The following BARD1 variants were observed in gnomAD, a reference collection of about 807,000 sequenced individuals.
BARD1 encodes the protein BRCA1 associated RING domain 1, also known as BRCA1-associated RING domain protein 1.
Under a neutral mutation model 77.0 loss-of-function variants are expected in BARD1, and 73 were observed. The ratio of observed to expected loss-of-function variants is 0.95; its 90% CI spans 0.79 to 1.15. The LOEUF (loss-of-function observed/expected upper bound fraction) is 1.15, where lower values mean the gene tolerates loss of function less well. Among genes scored for constraint, BARD1 ranks in the 50% most tolerant of loss-of-function variants. The pLI is 0.00. For synonymous variants in BARD1, 384 were observed against 338.0 expected (o/e 1.14, Z -1.49); for missense variants, 993 against 938.8 (o/e 1.06, Z -0.75).
At chr2:214,772,542 G>A (rs1393451577) in intron 4 of BARD1, among the ~76,000 whole-genome samples, 4 of 152,126 alleles carry the variant, frequency 2.6e-5, no homozygotes, top group Non-Finnish European at 5.9e-5. Flanking sequence ...GAAACGGAGT[G>A]ACAATTTAAA....
intron 9 of BARD1, among the ~76,000 whole-genome samples, chr2:214,742,913 T>C (rs1692912834): frequency 6.6e-6 from 1 of 152,224 alleles, no homozygotes; most frequent in African/African-American, 2.4e-5. Context: ...ACAGGTTTGA[T>C]ACAAAAGCAT....
In BARD1 at chr2:214,752,446, C is replaced by T. The variant is rs1060501310; in HGVS notation, c.1677+1G>A. On this transcript the variant is annotated splice_donor_variant, in intron 7 of 10. Coordinates refer to ENST00000260947, the MANE Select transcript of BARD1 (RefSeq NM_000465.4). LOFTEE classifies it high-confidence loss of function. ...TGTCCCAAAGCTAAATCCATACTTA[C>T]TACTGAGCAGTGGCTAGCTGAGGAT... 6.2e-7 allele frequency: 1 copy of T among 1,601,644 alleles called. No individual in the cohort carries two copies. The highest frequency in any genetic ancestry group is 2.2e-5 in the East Asian group (1 of 44,760).
chr2:214,753,712 A>G (rs371723478), intron 6 of BARD1, among the ~76,000 whole-genome samples: 82 of 152,290 alleles, frequency 5.4e-4, no homozygotes, highest in Non-Finnish European at 8.5e-4. Flanking sequence ...AAGGTCACTA[A>G]TGACCTTGGT....
At chr2:214,770,768 C>A (rs781084664) in intron 4 of BARD1, among the ~76,000 whole-genome samples, 1 of 152,112 alleles carries the variant, frequency 6.6e-6, no homozygotes, top group East Asian at 1.9e-4. Context: ...CAGCCTCCAG[C>A]GAAGGTAGAC....
chr2:214,805,253 G>A (rs547795231), intron 1 of BARD1, among the ~76,000 whole-genome samples: 3 of 152,254 alleles, frequency 2.0e-5, no homozygotes, highest in South Asian at 4.1e-4. Flanking sequence ...GCACTATGTC[G>A]ACCTGCACGA....
At chr2:214,755,226 C>T (rs573926901) in intron 6 of BARD1, among the ~76,000 whole-genome samples, 1 of 152,250 alleles carries the variant, frequency 6.6e-6, no homozygotes, top group East Asian at 1.9e-4. Context: ...GTGATAAATA[C>T]ATTATTCTTC....
chr2:214,732,009 C>T lies in BARD1; in HGVS notation c.1904-1501G>A, dbSNP rs754952301. On this transcript the variant is annotated intron_variant, in intron 9 of 10. Transcript: ENST00000260947. ...CATAGTTTTGAATATCAAACTGTTA[C>T]ATCCTGTTATCACTTGATATCTAAT... Among the ~76,000 whole-genome samples the T allele has an allele frequency of 5.2e-4, 79 of 152,342 alleles. No homozygotes were observed. The Middle Eastern group carries it at 0.01, about 20-fold the overall frequency.
chr2:214,806,867 T>C (rs1303807705), intron 1 of BARD1, among the ~76,000 whole-genome samples: 3 of 81,136 alleles, frequency 3.7e-5, no homozygotes, highest in Admixed American at 1.7e-4. Flanking sequence ...GAGTGAAACT[T>C]TGCCTAGGGA....
chr2:214,760,585 C>T (rs1413930664), intron 6 of BARD1, among the ~76,000 whole-genome samples: 1 of 152,114 alleles, frequency 6.6e-6, no homozygotes, highest in Non-Finnish European at 1.5e-5. Flanking sequence ...CAGTGACATC[C>T]GAGACTAACT....
rs1694948749 is a variant in BARD1, at chr2:214,780,675, C to A, written c.1199G>T (p.Ser400Ile). 1 of 1,614,100 alleles carries A rather than the reference C, an allele frequency of 6.2e-7. No individual in the cohort carries two copies. The highest frequency in any genetic ancestry group is 8.5e-7 in the Non-Finnish European group (1 of 1,180,000). The change falls in exon 4 of 11, where the codon AGT (serine) becomes ATT (isoleucine). Residue 400 changes from serine (S) to isoleucine (I), a missense_variant. By Grantham distance (142) the Ser-to-Ile change is moderately radical (BLOSUM62 -2). Transcript: ENST00000260947. ...LSPGTPPSTLSSSSYRRVMSS... is the reference protein window; with the variant it reads ...LSPGTPPSTLISSSYRRVMSS... ...CATCACTCGCCTGTAACTTGAACTA[C>A]TTAATGTAGAAGGTGGTGTACCTGG... is the stretch of plus-strand genomic sequence containing the variant.
At position 214,792,386 on chromosome 2, in the gene BARD1, A is replaced by G; in HGVS notation, c.275T>C (p.Ile92Thr). ...GCPVCYTPAW[I>T]QDLKINRQLD... ...TTGTCTATTTATCTTCAAGTCTTGT[A>G]TCCAGGCCGGGGTGTAACACACTGG... Residue 92 changes from isoleucine to threonine, a missense_variant, in exon 3 of 11, where the codon ATA becomes ACA. By Grantham distance (89) the Ile-to-Thr change is moderately conservative. Transcript: ENST00000260947. 1.9e-6 allele frequency: 3 copies of G among 1,613,076 alleles called. No individual in the cohort carries two copies. The highest frequency in any genetic ancestry group is 2.5e-6 in the Non-Finnish European group (3 of 1,179,656).
intron 9 of BARD1, among the ~76,000 whole-genome samples, chr2:214,739,603 C>T (rs1574725089): frequency 6.6e-6 from 1 of 151,862 alleles, no homozygotes; most frequent in African/African-American, 2.4e-5. Flanking sequence ...TTTTGGAAAA[C>T]TTAAGTAAAA....
chr2:214,782,333 T>C (rs558764416), intron 3 of BARD1, among the ~76,000 whole-genome samples: 8 of 152,132 alleles, frequency 5.3e-5, no homozygotes, highest in South Asian at 2.1e-4. Context: ...TAAGTCAGAA[T>C]AGTAGTTGGT....
chr2:214,743,215 T>C (rs573620806), intron 9 of BARD1, among the ~76,000 whole-genome samples: 18 of 152,192 alleles, frequency 1.2e-4, no homozygotes, highest in Non-Finnish European at 1.9e-4. Context: ...TGAATACCAA[T>C]TGATGAAAGG....
rs1692069504 is a variant in BARD1, at chr2:214,726,005, G to A, written c.*2671C>T. On this transcript the variant is annotated 3_prime_UTR_variant, in exon 11 of 11. Coordinates refer to ENST00000260947, the MANE Select transcript of BARD1 (RefSeq NM_000465.4). ...CCCAAATATCATCCTCTAGGCAGAG[G>A]TCACTTAACTATTAAATTTACAAGG... The A allele has an allele frequency of 4.5e-6, 1 of 220,060 alleles. No homozygotes were observed. The highest frequency in any genetic ancestry group is 2.3e-5 in the African/African-American group (1 of 44,090). The allele number at this position is 220,060 out of a possible 1,614,324, so 13.6% of individuals were successfully genotyped here.
intron 1 of BARD1, among the ~76,000 whole-genome samples, chr2:214,806,611 C>T (rs1430983187): frequency 2.6e-5 from 4 of 152,130 alleles, no homozygotes; most frequent in Non-Finnish European, 4.4e-5. Context: ...TGGTGGCTCA[C>T]GCCTGTAATC....
chr2:214,741,905 C>A (rs1692851050), intron 9 of BARD1, among the ~76,000 whole-genome samples: 2 of 139,726 alleles, frequency 1.4e-5, no homozygotes, highest in Admixed American at 7.6e-5. Context: ...AAATTTGGAC[C>A]CAATGGATCC....
intron 1 of BARD1, 60 bp from the exon 2 acceptor site, chr2:214,797,177 C>T: frequency 2.3e-6 from 3 of 1,309,904 alleles, no homozygotes; most frequent in Non-Finnish European, 1.1e-6. Context: ...CATCTCACAC[C>T]CAATATTTCA....
At position 214,771,943 on chromosome 2, in the gene BARD1, A is replaced by AAAAAAAAAAAAAAAAAAG. The variant is rs59814038; in HGVS notation, c.1315-2632_1315-2631insCTTTTTTTTTTTTTTTTT. ...TTTCAGGAAAAAAAAAAAAAAAAAAAGCAACATTTTCCCAGATTTCTTAAC... is the reference window on the plus strand; with the variant it reads ...TTTCAGGAAAAAAAAAAAAAAAAAAAAAAAAAAAAAAAAAAAAGGCAACATTTTCCCAGATTTCTTAAC... On this transcript the variant is annotated intron_variant, in intron 4 of 10. Coordinates refer to ENST00000260947, the MANE Select transcript of BARD1 (RefSeq NM_000465.4). Among the ~76,000 whole-genome samples, 3 of 143,336 alleles carry AAAAAAAAAAAAAAAAAAG rather than the reference A, an allele frequency of 2.1e-5. 1 individual carries two copies. The highest frequency in any genetic ancestry group is 8.2e-5 in the African/African-American group (3 of 36,746). 94.0% of individuals were successfully genotyped at this position (143,336 alleles called of 152,430 possible). A position where few individuals can be genotyped will look rare whatever the true frequency, so the allele number is the denominator to read the frequency against.
Sources: allele counts gnomAD v4.1 joint callset (sites outside exome capture counted in the v4.1 genomes callset), GRCh38; gene constraint gnomAD v4.1.1; transcripts MANE v1.5; gene names NCBI Gene and HGNC (gene_info 2026-07-23, HGNC 2026-07-21).